Variants in NEDD4L observed in about 807,000 individuals in gnomAD.
The protein encoded by NEDD4L is NEDD4 like E3 ubiquitin protein ligase, also known as E3 ubiquitin-protein ligase NEDD4-like.
Under a neutral mutation model 148.9 loss-of-function variants are expected in NEDD4L, and 54 were observed. That is an observed-to-expected ratio of 0.36 (90% confidence interval 0.29 to 0.45). The LOEUF (loss-of-function observed/expected upper bound fraction) is 0.45, where lower values mean the gene tolerates loss of function less well. Among genes scored for constraint, NEDD4L ranks in the 20% least tolerant of loss-of-function variants. The pLI is 1.00. For missense variants in NEDD4L, 856 were observed against 1,233.8 expected, an observed-to-expected ratio of 0.69 and a Z score of 4.59; for synonymous variants, 433 against 440.7, an observed-to-expected ratio of 0.98 and a Z score of 0.22.
intron 5 of NEDD4L, among the ~76,000 whole-genome samples, chr18:58,301,777 AT>A (rs1429051864): frequency 6.6e-6 from 1 of 152,168 alleles, no homozygotes; most frequent in Non-Finnish European, 1.5e-5. Context: ...TTGAAATATC[AT>A]GGAGTTGAAT....
intron 2 of NEDD4L, among the ~76,000 whole-genome samples, chr18:58,194,932 A>G (rs2040495615): frequency 6.6e-6 from 1 of 152,248 alleles, no homozygotes; most frequent in Admixed American, 6.5e-5. Flanking sequence ...TCTACAAACA[A>G]GAATGCCAAA....
intron 6 of NEDD4L, among the ~76,000 whole-genome samples, chr18:58,316,252 T>G (rs1329322457): frequency 6.6e-6 from 1 of 152,116 alleles, no homozygotes; most frequent in Non-Finnish European, 1.5e-5. Flanking sequence ...GTCGTGCGCT[T>G]GCGTTCCCAT....
At chr18:58,257,821 C>T (rs1051982201) in intron 5 of NEDD4L, among the ~76,000 whole-genome samples, 2 of 152,174 alleles carry the variant, frequency 1.3e-5, no homozygotes, top group Admixed American at 6.5e-5. Flanking sequence ...TCCTAAAGAA[C>T]AAGCTCCTTA....
intron 30 of NEDD4L, 38 bp downstream of exon 30, chr18:58,391,597 T>A: frequency 1.4e-6 from 2 of 1,429,380 alleles, no homozygotes; most frequent in Non-Finnish European, 1.9e-6. Context: ...ATGCAATATC[T>A]GAACTGCTTA....
chr18:58,318,760 G>A (rs2058514220), intron 6 of NEDD4L, among the ~76,000 whole-genome samples: 2 of 152,188 alleles, frequency 1.3e-5, no homozygotes, highest in South Asian at 2.1e-4. Flanking sequence ...TTTCTGGCAG[G>A]TGTCTGCCTG....
At chr18:58,069,579 C>T (rs978952272) in intron 1 of NEDD4L, among the ~76,000 whole-genome samples, 3 of 152,158 alleles carry the variant, frequency 2.0e-5, no homozygotes, top group African/African-American at 7.2e-5. Context: ...AAGCAGCAGT[C>T]TCTCAGCACA....
intron 2 of NEDD4L, among the ~76,000 whole-genome samples, chr18:58,179,550 A>G (rs886455851): frequency 6.6e-6 from 1 of 152,102 alleles, no homozygotes; most frequent in African/African-American, 2.4e-5. Context: ...TAGGCGGGCA[A>G]AACTTCCTCT....
chr18:58,094,063 A>G (rs1295440442), intron 1 of NEDD4L, among the ~76,000 whole-genome samples: 1 of 152,094 alleles, frequency 6.6e-6, no homozygotes, highest in African/African-American at 2.4e-5. Context: ...GTCACTCTCT[A>G]CTACCTGCAG....
At chr18:58,086,439 G>A (rs1033821566) in intron 1 of NEDD4L, among the ~76,000 whole-genome samples, 1 of 151,996 alleles carries the variant, frequency 6.6e-6, no homozygotes, top group African/African-American at 2.4e-5. Context: ...AGGGTGAGAG[G>A]GATGTTTTTA....
chr18:58,233,102 T>C (rs1184705172), intron 2 of NEDD4L, among the ~76,000 whole-genome samples: 1 of 152,240 alleles, frequency 6.6e-6, no homozygotes, highest in African/African-American at 2.4e-5. Flanking sequence ...CTAGGCATCT[T>C]GTATAACACT....
At chr18:58,099,048 C>A (rs546649508) in intron 1 of NEDD4L, among the ~76,000 whole-genome samples, 1 of 145,972 alleles carries the variant, frequency 6.9e-6, no homozygotes, top group East Asian at 1.9e-4. Flanking sequence ...TTTTCTAGCT[C>A]CACATTGGGA....
chr18:58,194,786 A>G (rs942491252), intron 2 of NEDD4L, among the ~76,000 whole-genome samples: 6 of 152,226 alleles, frequency 3.9e-5, no homozygotes, highest in Non-Finnish European at 8.8e-5. Context: ...AGAAGGTGAA[A>G]GGGGTGACTG....
intron 1 of NEDD4L, among the ~76,000 whole-genome samples, chr18:58,084,009 G>A (rs1755725069): frequency 6.6e-6 from 1 of 152,150 alleles, no homozygotes; most frequent in East Asian, 1.9e-4. Flanking sequence ...GGGATTACAG[G>A]CGTGAGCCAG....
rs193196032 is a variant in NEDD4L, at chr18:58,175,725, C to A, written c.122+9864C>A. Among the ~76,000 whole-genome samples, 7 of 152,348 alleles carry A rather than the reference C, an allele frequency of 4.6e-5. No homozygotes were observed. The South Asian group carries it at 1.2e-3, about 27-fold the overall frequency. On this transcript the variant is annotated intron_variant, in intron 2 of 30. Transcript: ENST00000400345. ...TCTAGCTGTATTCCTTCCCACCCCC[C>A]AAACCGAAATGACATTAAAGGATAG...
At chr18:58,341,201 A>AT in intron 14 of NEDD4L, 32 bp downstream of exon 14, 2 of 1,606,574 alleles carry the variant, frequency 1.2e-6, no homozygotes, top group South Asian at 1.1e-5. Context: ...TTAAAACCGC[A>AT]GGCCATAGAA....
chr18:58,157,598 T>C (rs1249495587), intron 1 of NEDD4L, among the ~76,000 whole-genome samples: 1 of 152,212 alleles, frequency 6.6e-6, no homozygotes, highest in Non-Finnish European at 1.5e-5. Context: ...TCATGTATCT[T>C]AAGTTTTCTG....
At chr18:58,311,964 C>G (rs1196067482) in intron 5 of NEDD4L, among the ~76,000 whole-genome samples, 3 of 152,232 alleles carry the variant, frequency 2.0e-5, no homozygotes, top group Non-Finnish European at 2.9e-5. Context: ...AGGGCGCCCA[C>G]TTGTCCCCTC....
intron 5 of NEDD4L, among the ~76,000 whole-genome samples, chr18:58,283,810 G>C (rs923220996): frequency 2.6e-5 from 4 of 152,162 alleles, no homozygotes; most frequent in Non-Finnish European, 5.9e-5. Context: ...GGTCTTATTT[G>C]AAAATAGGGT....
chr18:58,372,853 A>AGC (rs1458877334), intron 23 of NEDD4L, among the ~76,000 whole-genome samples: 10 of 149,538 alleles, frequency 6.7e-5, no homozygotes, highest in African/African-American at 2.2e-4. Flanking sequence ...AAAAAGAGAG[A>AGC]GAGAAAAGAA....
Sources: gnomAD v4.1 joint callset for allele counts (sites outside exome capture counted in the v4.1 genomes callset) on GRCh38, gnomAD v4.1.1 for gene constraint, MANE v1.5 for transcripts, NCBI Gene and HGNC (gene_info 2026-07-23, HGNC 2026-07-21) for gene names.